The following TRAPPC10 variants were observed in gnomAD, a reference collection of about 807,000 sequenced individuals.
TRAPPC10 encodes the protein TRAPP 130 kDa subunit.
A neutral mutation model predicts 125.5 loss-of-function variants in TRAPPC10; 23 were observed. That is an observed-to-expected ratio of 0.18 (90% CI 0.13 to 0.26). TRAPPC10 has a LOEUF of 0.26. TRAPPC10 is among the 10% of genes least tolerant of loss of function. TRAPPC10 has a pLI of 1.00. For synonymous variants in TRAPPC10, 509 were observed against 518.0 expected, an observed-to-expected ratio of 0.98 and a Z score of 0.24; for missense variants, 1,123 against 1,308.4, an observed-to-expected ratio of 0.86 and a Z score of 2.19.
At position 44,080,319 on chromosome 21, in the gene TRAPPC10, T is replaced by G. The variant is rs77670659; in HGVS notation, c.1723+192T>G. Reference sequence around the variant, plus strand: ...AAGTCAAACTCTAGACCACATTAGATCTTCTAAAAATAAGGACAGTCTCTT... The same window carrying G: ...AAGTCAAACTCTAGACCACATTAGAGCTTCTAAAAATAAGGACAGTCTCTT... On this transcript the variant is annotated intron_variant, in intron 13 of 22. Coordinates refer to ENST00000291574, the MANE Select transcript of TRAPPC10 (RefSeq NM_003274.5). 1.1e-4 allele frequency among the ~76,000 whole-genome samples: 17 copies of G among 152,244 alleles called. No homozygotes were observed. The East Asian group carries it at 3.3e-3, about 29-fold the overall frequency.
rs1472846737 is a variant in TRAPPC10, at chr21:44,074,547, T to C, written c.1185+77T>C. The C allele has an allele frequency of 4.4e-6, 7 of 1,586,094 alleles. No homozygotes were observed. The East Asian group carries it at 1.3e-4, about 30-fold the overall frequency. On this transcript the variant is annotated intron_variant, in intron 8 of 22. Transcript: ENST00000291574. ...TGGGTGGCGGAGGAAGTCTGCTGTTTGGAGGAGAGGTGTTGCTCATTTAGA... is the reference window on the plus strand; with the variant it reads ...TGGGTGGCGGAGGAAGTCTGCTGTTCGGAGGAGAGGTGTTGCTCATTTAGA...
chr21:44,082,044 A>G lies in TRAPPC10; in HGVS notation c.1724-744A>G, dbSNP rs1440094411. 1.3e-5 allele frequency among the ~76,000 whole-genome samples: 2 copies of G among 152,194 alleles called. No homozygotes were observed. The highest frequency in any genetic ancestry group is 2.9e-5 in the Non-Finnish European group (2 of 68,036). ...TATTTGAGTTGTGATGTTCCTGCCA[A>G]CGTTCCTTGGTATCTCTATACGAAT... is the stretch of plus-strand genomic sequence containing the variant. On this transcript the variant is annotated intron_variant, in intron 13 of 22. Coordinates refer to ENST00000291574, the MANE Select transcript of TRAPPC10 (RefSeq NM_003274.5). This position sits in a 1 kb window ranked among gnomAD's most constrained non-coding sequence, Gnocchi z 4.4.
chr21:44,037,767 A>G (rs750100599), intron 2 of TRAPPC10, 25 bp from the exon 3 acceptor site: 10 of 1,603,310 alleles, frequency 6.2e-6, no homozygotes, highest in Non-Finnish European at 6.0e-6. Context: ...TTGTTTTCTC[A>G]GTGACTTCAA....
intron 15 of TRAPPC10, among the ~76,000 whole-genome samples, chr21:44,085,511 C>T (rs1469904417): frequency 2.0e-5 from 3 of 151,894 alleles, no homozygotes; most frequent in Non-Finnish European, 4.4e-5. Flanking sequence ...ATGACAAAAC[C>T]CCATCTCTGC....
rs764462280 is a variant in TRAPPC10 at position 44,089,824 on chromosome 21, C to T, written c.2770-9C>T. The T allele has an allele frequency of 6.2e-7, 1 of 1,611,152 alleles. No homozygotes were observed. The stretch of plus-strand genomic sequence containing the variant: ...GTGGTCTGAGAGTGTCTTTGTGCTT[C>T]CTCCTCAGGTGTCGATTGACTGCCC... On this transcript the variant is annotated splice_polypyrimidine_tract_variant and intron_variant, in intron 17 of 22. Transcript: ENST00000291574.
chr21:44,025,210 T>C (rs2032931899), intron 1 of TRAPPC10, among the ~76,000 whole-genome samples: 1 of 152,208 alleles, frequency 6.6e-6, no homozygotes, highest in African/African-American at 2.4e-5. Flanking sequence ...TGATGCTGCC[T>C]CAGCTCCCTC....
chr21:44,055,956 C>T, intron 5 of TRAPPC10, 63 bp downstream of exon 5: 1 of 1,387,108 alleles, frequency 7.2e-7, no homozygotes, highest in Non-Finnish European at 9.8e-7. Context: ...TTCCCTCCCT[C>T]TCTCCTCCTT....
intron 4 of TRAPPC10, among the ~76,000 whole-genome samples, chr21:44,052,944 A>G (rs2035322670): frequency 6.6e-6 from 1 of 152,102 alleles, no homozygotes; most frequent in Non-Finnish European, 1.5e-5. Context: ...AATAGATTGT[A>G]TGGGCTTTCT....
intron 8 of TRAPPC10, among the ~76,000 whole-genome samples, chr21:44,074,815 G>A (rs1024372140): frequency 2.6e-5 from 4 of 152,226 alleles, no homozygotes; most frequent in African/African-American, 9.6e-5. Flanking sequence ...GCGTAGCCTG[G>A]GGAACTCAGG....
chr21:44,058,454 A>T (rs993981212), intron 5 of TRAPPC10, among the ~76,000 whole-genome samples: 1 of 152,086 alleles, frequency 6.6e-6, no homozygotes, highest in African/African-American at 2.4e-5. Flanking sequence ...TCTCGAAAGG[A>T]TTTAGGAGTC....
intron 3 of TRAPPC10, among the ~76,000 whole-genome samples, chr21:44,049,639 C>G (rs1226064013): frequency 6.6e-6 from 1 of 152,182 alleles, no homozygotes; most frequent in Admixed American, 6.5e-5. Flanking sequence ...CACTTGGGGC[C>G]TCACATCTTG....
chr21:44,088,260 C>G (rs1323734191), intron 17 of TRAPPC10: 3 of 322,406 alleles, frequency 9.3e-6, no homozygotes, highest in African/African-American at 4.2e-5. Context: ...CAGAGGAGGT[C>G]TGTGTCGTGT....
chr21:44,037,742 A>G, intron 2 of TRAPPC10, 50 bp from the exon 3 acceptor site: 5 of 1,585,584 alleles, frequency 3.2e-6, no homozygotes, highest in East Asian at 2.2e-5. Flanking sequence ...CCCTCTTCTG[A>G]TGAATGCTGT....
chr21:44,080,792 G>T (rs1329864571), intron 13 of TRAPPC10, among the ~76,000 whole-genome samples: 2 of 151,474 alleles, frequency 1.3e-5, no homozygotes, highest in African/African-American at 4.8e-5. Context: ...ACCCACCTCA[G>T]CCTCCCAAAG....
rs1211754888 is a variant in TRAPPC10, at chr21:44,080,085, C to A, written c.1681C>A (p.Gln561Lys). The change falls in exon 13 of 23, where the codon CAG becomes AAG. Residue 561 changes from glutamine to lysine, a missense_variant. Physicochemically the swap from Gln to Lys is moderately conservative, Grantham distance 53. Transcript: ENST00000291574. ...LTEEERKHFC[Q>K]EILDFASQPS... ...TGAAGAGGAGCGCAAGCACTTCTGC[C>A]AGGAGATACTTGACTTTGCCAGCCA... The A allele has an allele frequency of 6.2e-7, 1 of 1,614,152 alleles. No individual in the cohort carries two copies. The highest frequency in any genetic ancestry group is 8.5e-7 in the Non-Finnish European group (1 of 1,180,028).
At position 44,032,293 on chromosome 21, in the gene TRAPPC10, A is replaced by C. The variant is rs2033637020; in HGVS notation, c.149+121A>C. 2.1e-5 allele frequency: 16 copies of C among 750,856 alleles called. No individual in the cohort carries two copies. The East Asian group carries it at 4.1e-4, about 19-fold the overall frequency. 46.5% of individuals were successfully genotyped at this position (750,856 alleles called of 1,614,324 possible). A position where few individuals can be genotyped will look rare whatever the true frequency, so the allele number is the denominator to read the frequency against. On this transcript the variant is annotated intron_variant, in intron 2 of 22. Coordinates refer to ENST00000291574, the MANE Select transcript of TRAPPC10 (RefSeq NM_003274.5). The stretch of plus-strand genomic sequence containing the variant: ...TGAACAAGTGAAGTAGCACAAGTTA[A>C]AAGCCTCAGTTCTAAAGAAACAGAA...
chr21:44,026,264 C>T (rs2033060883), intron 1 of TRAPPC10, among the ~76,000 whole-genome samples: 1 of 152,034 alleles, frequency 6.6e-6, no homozygotes, highest in Non-Finnish European at 1.5e-5. Flanking sequence ...GGCAGGAGCA[C>T]CGGGGAGGCT....
intron 3 of TRAPPC10, among the ~76,000 whole-genome samples, chr21:44,045,219 C>A (rs2034699935): frequency 6.6e-6 from 1 of 152,186 alleles, no homozygotes; most frequent in Non-Finnish European, 1.5e-5. Context: ...AGGCGTGAGC[C>A]ACCGTGCCCA....
chr21:44,091,733 C>T (rs890472376), intron 18 of TRAPPC10, 190 bp from the exon 19 acceptor site: 4 of 521,240 alleles, frequency 7.7e-6, no homozygotes, highest in Admixed American at 3.3e-5. Context: ...CCACCGTGCC[C>T]GGCCAAAAAG....
Sources: gnomAD v4.1 joint callset for allele counts (sites outside exome capture counted in the v4.1 genomes callset) on GRCh38, gnomAD v4.1.1 for gene constraint, Gnocchi (gnomAD v3.1) non-coding constraint, MANE v1.5 for transcripts, NCBI Gene and HGNC (gene_info 2026-07-23, HGNC 2026-07-21) for gene names.